Variants in TBC1D9 observed in about 807,000 individuals in gnomAD.
The protein encoded by TBC1D9 is TBC1 domain family member 9.
In TBC1D9, 63 loss-of-function variants were observed where a neutral mutation model predicts 132.0. The observed-to-expected ratio is 0.48, with a 90% CI of 0.39 to 0.59. The LOEUF (loss-of-function observed/expected upper bound fraction) is 0.59, where lower values mean the gene tolerates loss of function less well. Among genes scored for constraint, TBC1D9 ranks in the 20% least tolerant of loss-of-function variants. The pLI is 0.00. For missense variants in TBC1D9, 1,261 were observed against 1,592.7 expected (o/e 0.79, Z 3.54); for synonymous variants, 610 against 609.9 (o/e 1.00, Z 0.00).
Position 140,669,780 on chromosome 4 carries a change from C to T in TBC1D9, c.1291G>A (p.Val431Ile), listed in dbSNP as rs772557369. ...GTGCTTCTCTGGGGGCTGGAGGAGA[C>T]GAGGCTGCTGGGTCGAGAGTACACC... is the stretch of plus-strand genomic sequence containing the variant. ...DEVYSRPSSL[V>I]SSSPQRSTSS... The change falls in exon 8 of 21, where the codon GTC becomes ATC. Residue 431 changes from valine to isoleucine, a missense_variant. Val to Ile is a conservative substitution (Grantham distance 29). Coordinates refer to ENST00000442267, the MANE Select transcript of TBC1D9 (RefSeq NM_015130.3). 16 of 1,613,722 alleles carry T rather than the reference C, an allele frequency of 9.9e-6. No individual in the cohort carries two copies. Among genetic ancestry groups the T allele is most frequent in the East Asian group, 6.7e-5 (3 of 44,882 alleles).
At chr4:140,639,563 C>A in intron 13 of TBC1D9, 135 bp from the exon 14 acceptor site, 1 of 621,920 alleles carries the variant, frequency 1.6e-6, no homozygotes, top group Non-Finnish European at 2.8e-6. Flanking sequence ...TACAGTACAC[C>A]TTTAGCTACT....
At chr4:140,673,865 G>A (rs923155506) in intron 6 of TBC1D9, among the ~76,000 whole-genome samples, 6 of 152,080 alleles carry the variant, frequency 3.9e-5, no homozygotes, top group East Asian at 1.9e-4. Context: ...ACTCTAAATC[G>A]CACTAAAATG....
At chr4:140,626,060 C>A (rs899202755) in intron 18 of TBC1D9, among the ~76,000 whole-genome samples, 1 of 152,172 alleles carries the variant, frequency 6.6e-6, no homozygotes, top group East Asian at 1.9e-4. Context: ...ATTTCTAAAA[C>A]AAGAGAATCC....
At chr4:140,634,415 T>C (rs1366080185) in intron 15 of TBC1D9, among the ~76,000 whole-genome samples, 2 of 152,266 alleles carry the variant, frequency 1.3e-5, no homozygotes, top group East Asian at 3.9e-4. Context: ...ATCTGGAAGG[T>C]CTGCTTCAAT....
chr4:140,743,680 C>T (rs1251216679), intron 1 of TBC1D9, among the ~76,000 whole-genome samples: 3 of 152,166 alleles, frequency 2.0e-5, no homozygotes, highest in Non-Finnish European at 4.4e-5. Flanking sequence ...TGGTACCTAC[C>T]ACAGCTGTTG....
chr4:140,654,262 G>A (rs1033563553), intron 13 of TBC1D9, among the ~76,000 whole-genome samples: 6 of 152,092 alleles, frequency 3.9e-5, no homozygotes, highest in African/African-American at 1.2e-4. Flanking sequence ...ATCTAATCCC[G>A]GTTGGCTAAA....
rs185610263 is a variant in TBC1D9, at chr4:140,623,230, T to G, written c.3079-313A>C. 3.7e-3 allele frequency among the ~76,000 whole-genome samples: 568 copies of G among 152,196 alleles called. 2 individuals carry two copies. Among genetic ancestry groups the G allele is most frequent in the African/African-American group, 0.012 (505 of 41,524 alleles). ...CCCCCAGGCACACACCACTATACTC[T>G]GCTAATCTTTGCGTTTTTTGTAGAG... On this transcript the variant is annotated intron_variant, in intron 20 of 20. Transcript: ENST00000442267.
chr4:140,737,746 A>G (rs1187739001), intron 1 of TBC1D9, among the ~76,000 whole-genome samples: 2 of 152,238 alleles, frequency 1.3e-5, no homozygotes, highest in Non-Finnish European at 2.9e-5. Flanking sequence ...TCCTGCTGCA[A>G]GCACAATACT....
intron 13 of TBC1D9, among the ~76,000 whole-genome samples, chr4:140,648,040 C>A (rs1219960015): frequency 6.6e-6 from 1 of 152,172 alleles, no homozygotes; most frequent in Non-Finnish European, 1.5e-5. Context: ...TTACCCAAAA[C>A]AAAGACACAG....
intron 1 of TBC1D9, among the ~76,000 whole-genome samples, chr4:140,740,177 A>G (rs1738737570): frequency 6.6e-6 from 1 of 152,220 alleles, no homozygotes; most frequent in African/African-American, 2.4e-5. Flanking sequence ...CCAGAGGCTG[A>G]GTCATACAAC....
At chr4:140,730,668 A>G (rs940679671) in intron 1 of TBC1D9, among the ~76,000 whole-genome samples, 7 of 152,232 alleles carry the variant, frequency 4.6e-5, no homozygotes, top group African/African-American at 1.4e-4. Context: ...CAGGGTTGTA[A>G]TGAGCCTAGA....
At chr4:140,683,469 C>T (rs544737902) in intron 3 of TBC1D9, among the ~76,000 whole-genome samples, 1 of 152,192 alleles carries the variant, frequency 6.6e-6, no homozygotes, top group Admixed American at 6.5e-5. Context: ...TTCCCAGGTT[C>T]TACAGGTTTT....
chr4:140,743,040 A>G (rs1738785473), intron 1 of TBC1D9, among the ~76,000 whole-genome samples: 1 of 151,990 alleles, frequency 6.6e-6, no homozygotes, highest in South Asian at 2.1e-4. Context: ...AGGAAGGAGG[A>G]AAGGAAGGAG....
At chr4:140,717,776 A>G (rs564036816) in intron 1 of TBC1D9, among the ~76,000 whole-genome samples, 1 of 152,188 alleles carries the variant, frequency 6.6e-6, no homozygotes, top group Non-Finnish European at 1.5e-5. Context: ...CAGGGTTCCC[A>G]CTGGGTAGAA....
chr4:140,697,761 G>A (rs1027386915), intron 2 of TBC1D9, among the ~76,000 whole-genome samples: 4 of 152,238 alleles, frequency 2.6e-5, no homozygotes, highest in African/African-American at 4.8e-5. Flanking sequence ...CTGAGGAGTA[G>A]TAACGTCAGG....
At chr4:140,712,204 T>G (rs1353105705) in intron 1 of TBC1D9, 1 of 151,718 alleles carries the variant, frequency 6.6e-6, no homozygotes, top group African/African-American at 2.4e-5. Context: ...GAGAGGGACC[T>G]GGCGTTTACA....
In TBC1D9 at chr4:140,625,119, C is replaced by T. The variant is rs543555042; in HGVS notation, c.2900-731G>A. ...GTACTTAAAAAATGGTAGTGCTTGCCCCAATGAATGTTGATTTCTCTCCTG... is the reference window on the plus strand; with the variant it reads ...GTACTTAAAAAATGGTAGTGCTTGCTCCAATGAATGTTGATTTCTCTCCTG... On this transcript the variant is annotated intron_variant, in intron 18 of 20. Coordinates refer to ENST00000442267, the MANE Select transcript of TBC1D9 (RefSeq NM_015130.3). Among the ~76,000 whole-genome samples the T allele has an allele frequency of 3.9e-5, 6 of 152,128 alleles. No homozygotes were observed. In the East Asian group the frequency reaches 1.2e-3, roughly 29 times the overall value.
At chr4:140,642,285 G>A (rs966251077) in intron 13 of TBC1D9, 5 of 711,526 alleles carry the variant, frequency 7.0e-6, no homozygotes, top group Admixed American at 7.0e-5. Context: ...GGAGGCAAAC[G>A]CGGAATGGGC....
Position 140,713,863 on chromosome 4 carries a change from AACC to A in TBC1D9, c.131-12252_131-12250del, listed in dbSNP as rs1427594915. Among the ~76,000 whole-genome samples, 27 of 152,336 alleles carry A rather than the reference AACC, an allele frequency of 1.8e-4. 1 individual carries two copies. Among genetic ancestry groups the A allele is most frequent in the Non-Finnish European group, 7.3e-5 (5 of 68,030 alleles). ...GTACATGTATTATAATCAAATAATGAACCACTAGGTTGGTGCAAAAGTAATTGC... is the reference window on the plus strand; with the variant it reads ...GTACATGTATTATAATCAAATAATGAACTAGGTTGGTGCAAAAGTAATTGC... On this transcript the variant is annotated intron_variant, in intron 1 of 20. Transcript: ENST00000442267.
Sources: allele counts gnomAD v4.1 joint callset (sites outside exome capture counted in the v4.1 genomes callset), GRCh38; gene constraint gnomAD v4.1.1; transcripts MANE v1.5; gene names NCBI Gene and HGNC (gene_info 2026-07-23, HGNC 2026-07-21).